The following KCTD1 variants were observed in gnomAD, a reference collection of about 807,000 sequenced individuals.
KCTD1 encodes the protein BTB/POZ domain-containing protein KCTD1.
KCTD1 carries 24 observed loss-of-function variants against 66.0 expected under a neutral mutation model. The ratio of observed to expected loss-of-function variants is 0.36; its 90% confidence interval spans 0.26 to 0.51. The LOEUF (loss-of-function observed/expected upper bound fraction) is 0.51. Ranked by LOEUF, KCTD1 falls within the 20% of genes least tolerant of loss-of-function variation. KCTD1 has a pLI of 0.95. For synonymous variants in KCTD1, 511 were observed against 517.2 expected (o/e 0.99, Z 0.16); for missense variants, 943 against 1,205.2 (o/e 0.78, Z 3.22).
At chr18:26,655,987 C>T (rs900660211) in intron 1 of KCTD1, among the ~76,000 whole-genome samples, 1 of 151,308 alleles carries the variant, frequency 6.6e-6, no homozygotes, top group Non-Finnish European at 1.5e-5. Flanking sequence ...CTCTTGGGGG[C>T]GGGAGAGGAA....
chr18:26,512,057 G>A (rs1190098303), intron 1 of KCTD1, among the ~76,000 whole-genome samples: 1 of 152,176 alleles, frequency 6.6e-6, no homozygotes, highest in African/African-American at 2.4e-5. Flanking sequence ...AGTATCGAAA[G>A]CTAAATGTGC....
chr18:26,548,722 G>A, upstream of KCTD1: 2 of 789,796 alleles, frequency 2.5e-6, no homozygotes, highest in Non-Finnish European at 3.2e-6. Context: ...GGGATGGAGG[G>A]GAGGGGGGAG....
intron 3 of KCTD1, among the ~76,000 whole-genome samples, chr18:26,461,851 C>T (rs1399528387): frequency 6.6e-6 from 1 of 152,202 alleles, no homozygotes; most frequent in African/African-American, 2.4e-5. Flanking sequence ...CGTGGTGGTT[C>T]ACGCCTGTAA....
At chr18:26,580,679 G>T (rs1220928380) in intron 1 of KCTD1, among the ~76,000 whole-genome samples, 4 of 152,106 alleles carry the variant, frequency 2.6e-5, no homozygotes, top group African/African-American at 9.7e-5. Flanking sequence ...TTAGAGCTGG[G>T]GTCAGCGTAC....
At chr18:26,598,736 C>T (rs527725617) in intron 1 of KCTD1, among the ~76,000 whole-genome samples, 1 of 152,292 alleles carries the variant, frequency 6.6e-6, no homozygotes, top group African/African-American at 2.4e-5. Flanking sequence ...TTGCATTTCC[C>T]TAATGACTAA....
intron 1 of KCTD1, among the ~76,000 whole-genome samples, chr18:26,540,497 A>G (rs1598929006): frequency 6.6e-6 from 1 of 152,166 alleles, no homozygotes; most frequent in Non-Finnish European, 1.5e-5. Flanking sequence ...TGAAAGTCAC[A>G]CCAAGTGTGC....
chr18:26,610,601 G>A (rs778811188), intron 1 of KCTD1, among the ~76,000 whole-genome samples: 2 of 147,304 alleles, frequency 1.4e-5, no homozygotes, highest in Non-Finnish European at 3.0e-5. Context: ...AAGAAAGGAA[G>A]GAAGGAAGGA....
chr18:26,506,041 A>G (rs1983018146), intron 1 of KCTD1, among the ~76,000 whole-genome samples: 1 of 150,992 alleles, frequency 6.6e-6, no homozygotes, highest in Non-Finnish European at 1.5e-5. Context: ...ACCCCTGGCT[A>G]ATTTTTTTTT....
intron 1 of KCTD1, among the ~76,000 whole-genome samples, chr18:26,536,868 G>A (rs544845974): frequency 6.6e-6 from 1 of 151,908 alleles, no homozygotes; most frequent in Admixed American, 6.5e-5. Context: ...ACCCTTCAAG[G>A]GAGGAGTTAT....
chr18:26,507,714 A>T lies in KCTD1; in HGVS notation c.1810-6464T>A, dbSNP rs557389259. On this transcript the variant is annotated intron_variant, in intron 1 of 4. Coordinates refer to ENST00000580059, the MANE Select transcript of KCTD1 (RefSeq NM_001142730.3). ...ACTGACACTATACTTTTTTTTTTTT[A>T]AAAAAAGAATGATGCCCTGTGGATT... is the stretch of plus-strand genomic sequence containing the variant. Among the ~76,000 whole-genome samples the T allele has an allele frequency of 4.1e-3, 619 of 150,106 alleles. 1 individual carries two copies. Among genetic ancestry groups the T allele is most frequent in the African/African-American group, 0.011 (468 of 41,012 alleles).
intron 1 of KCTD1, among the ~76,000 whole-genome samples, chr18:26,584,571 T>C (rs985295608): frequency 7.9e-5 from 12 of 152,206 alleles, no homozygotes; most frequent in Non-Finnish European, 1.6e-4. Context: ...AGGAGATTAC[T>C]ATGTGTCAGG....
intron 1 of KCTD1, among the ~76,000 whole-genome samples, chr18:26,587,150 G>C (rs1986489904): frequency 6.6e-6 from 1 of 152,188 alleles, no homozygotes; most frequent in Non-Finnish European, 1.5e-5. Flanking sequence ...AGGGGCTAAG[G>C]CAGCTGGTGA....
intron 1 of KCTD1, among the ~76,000 whole-genome samples, chr18:26,532,921 T>A (rs1468927906): frequency 6.6e-6 from 1 of 152,240 alleles, no homozygotes; most frequent in Non-Finnish European, 1.5e-5. Flanking sequence ...GCCTTGTTCT[T>A]TATTGCGTCC....
intron 1 of KCTD1, among the ~76,000 whole-genome samples, chr18:26,649,024 A>G (rs747079886): frequency 2.6e-5 from 4 of 152,206 alleles, no homozygotes; most frequent in Non-Finnish European, 4.4e-5. Context: ...CCCACATTGT[A>G]TAGATAATGA....
At chr18:26,599,194 C>A (rs756141723) in intron 1 of KCTD1, among the ~76,000 whole-genome samples, 7 of 152,120 alleles carry the variant, frequency 4.6e-5, no homozygotes, top group Non-Finnish European at 7.4e-5. Context: ...TGTATGATGA[C>A]TTTTATTTCA....
chr18:26,490,774 A>G (rs1423714118), intron 2 of KCTD1, among the ~76,000 whole-genome samples: 1 of 151,844 alleles, frequency 6.6e-6, no homozygotes, highest in African/African-American at 2.4e-5. Flanking sequence ...TTTTTTAGAT[A>G]GAGTCTTTCT....
At chr18:26,485,103 A>G (rs2144629450) in intron 2 of KCTD1, among the ~76,000 whole-genome samples, 1 of 152,212 alleles carries the variant, frequency 6.6e-6, no homozygotes, top group East Asian at 1.9e-4. Flanking sequence ...TTGAGTTTTG[A>G]TTTCTTCACC....
chr18:26,518,871 C>A (rs776083419), intron 1 of KCTD1, among the ~76,000 whole-genome samples: 4 of 152,156 alleles, frequency 2.6e-5, no homozygotes, highest in East Asian at 1.9e-4. Context: ...CTCTGTTTTC[C>A]GGTGATTCTG....
chr18:26,494,306 G>A (rs1982356386), intron 2 of KCTD1, among the ~76,000 whole-genome samples: 2 of 152,304 alleles, frequency 1.3e-5, no homozygotes, highest in East Asian at 1.9e-4. Flanking sequence ...AGGAATTCAA[G>A]GCTACAATGA....
Sources: allele counts gnomAD v4.1 joint callset (sites outside exome capture counted in the v4.1 genomes callset), GRCh38; gene constraint gnomAD v4.1.1; transcripts MANE v1.5; gene names NCBI Gene and HGNC (gene_info 2026-07-23, HGNC 2026-07-21).